SRCAP: variants seen among roughly 807,000 people sequenced by gnomAD.
The protein encoded by SRCAP is Snf2 related CREBBP activator protein.
A neutral mutation model predicts 263.1 loss-of-function variants in SRCAP; 46 were observed. That is an observed-to-expected ratio of 0.17 (90% CI 0.14 to 0.22). SRCAP has a LOEUF of 0.22. Ranked by LOEUF, SRCAP falls within the 10% of genes least tolerant of loss-of-function variation. The pLI, the probability that SRCAP is intolerant of heterozygous loss-of-function variation, is 1.00. For synonymous variants in SRCAP, 1,813 were observed against 1,662.1 expected (o/e 1.09, Z -2.21); for missense variants, 3,695 against 4,181.9 (o/e 0.88, Z 3.21).
In SRCAP at chr16:30,704,300, A is replaced by G; in HGVS notation, c.291A>G (p.Ala97=). Residue 97 remains alanine, a synonymous_variant, in exon 4 of 34, where the codon GCA becomes GCG. Transcript: ENST00000262518. ...GGGAGAAGAGCCATGCCGAAATTGCAGAACAGGCCAAGCATGTACGTATTA... is the reference window on the plus strand; with the variant it reads ...GGGAGAAGAGCCATGCCGAAATTGCGGAACAGGCCAAGCATGTACGTATTA... ...PKWEKSHAEI[A]EQAKHEAEIE... 2 of 1,611,500 alleles carry G rather than the reference A, an allele frequency of 1.2e-6. No individual in the cohort carries two copies. The highest frequency in any genetic ancestry group is 1.7e-6 in the Non-Finnish European group (2 of 1,178,068).
At chr16:30,710,460 A>G (rs976286080) in intron 8 of SRCAP, 15 of 710,088 alleles carry the variant, frequency 2.1e-5, no homozygotes, top group Non-Finnish European at 3.9e-5. Context: ...GGAAGCTGGC[A>G]TGGTACCCTT....
chr16:30,737,382 G>A lies in SRCAP; in HGVS notation c.7342G>A (p.Ala2448Thr), dbSNP rs934164920. The A allele has an allele frequency of 1.2e-5, 19 of 1,613,102 alleles. No individual in the cohort carries two copies. In the East Asian group the frequency reaches 4.2e-4, roughly 36 times the overall value. ...AGCACCTAGGCCTCGACCCACTCCAGCTTCAGCTCCGGCTGCAATTCCTGC... is the reference window on the plus strand; with the variant it reads ...AGCACCTAGGCCTCGACCCACTCCAACTTCAGCTCCGGCTGCAATTCCTGC... Reference protein sequence around the residue: ...RPAPRPRPTPASAPAAIPALV... With the variant: ...RPAPRPRPTPTSAPAAIPALV... The change falls in exon 34 of 34, where the codon GCT (alanine) becomes ACT (threonine). Residue 2448 changes from alanine to threonine, a missense_variant. Around this residue, in one of 12 missense-constraint regions of SRCAP, gnomAD observed 1,207 missense variants for 1,142.9 expected, o/e 1.06. Transcript: ENST00000262518.
rs2052998194 is a variant in SRCAP at position 30,720,279 on chromosome 16, A to G, written c.2935A>G (p.Thr979Ala). 6.2e-7 allele frequency: 1 copy of G among 1,614,132 alleles called. No individual in the cohort carries two copies. Among genetic ancestry groups the G allele is most frequent in the Non-Finnish European group, 8.5e-7 (1 of 1,179,976 alleles). Residue 979 changes from threonine to alanine, a missense_variant, in exon 19 of 34, where the codon ACT (threonine) becomes GCT (alanine). Coordinates refer to ENST00000262518, the MANE Select transcript of SRCAP (RefSeq NM_006662.3). ...LSRRVLLEVA[T>A]APDPPPRPKP... ...TCGCCGGGTACTGTTAGAAGTGGCT[A>G]CTGCTCCTGACCCCCCACCCCGGCC...
At chr16:30,734,082 G>T (rs2053137060) in intron 30 of SRCAP, 74 bp downstream of exon 30, 1 of 1,351,262 alleles carries the variant, frequency 7.4e-7, no homozygotes. Flanking sequence ...GTTTATTAAA[G>T]AAGACTGCTT....
At chr16:30,734,407 T>TG in intron 30 of SRCAP, 89 bp from the exon 31 acceptor site, 6 of 1,569,176 alleles carry the variant, frequency 3.8e-6, no homozygotes, top group Non-Finnish European at 5.2e-6. Flanking sequence ...GTGGTACCCC[T>TG]GACAGTTCCA....
intron 4 of SRCAP, among the ~76,000 whole-genome samples, chr16:30,706,396 G>A (rs2052827757): frequency 6.6e-6 from 1 of 152,146 alleles, no homozygotes; most frequent in African/African-American, 2.4e-5. Flanking sequence ...GATAACCTGA[G>A]CCTAGGCAGC....
At chr16:30,714,197 T>C (rs969768725) in intron 16 of SRCAP, among the ~76,000 whole-genome samples, 1 of 151,542 alleles carries the variant, frequency 6.6e-6, no homozygotes, top group Non-Finnish European at 1.5e-5. Flanking sequence ...CCCGAGTAGC[T>C]GGGACTAAAG....
chr16:30,720,291 C>G lies in SRCAP; in HGVS notation c.2947C>G (p.Pro983Ala). Residue 983 changes from proline to alanine, a missense_variant, in exon 19 of 34, where the codon CCC (proline) becomes GCC (alanine). Coordinates refer to ENST00000262518, the MANE Select transcript of SRCAP (RefSeq NM_006662.3). Reference sequence around the variant, plus strand: ...GTTAGAAGTGGCTACTGCTCCTGACCCCCCACCCCGGCCCAAGCCAGTCAA... The same window carrying G: ...GTTAGAAGTGGCTACTGCTCCTGACGCCCCACCCCGGCCCAAGCCAGTCAA... ...VLLEVATAPDPPPRPKPVKMK... is the reference protein window; with the variant it reads ...VLLEVATAPDAPPRPKPVKMK... 6.2e-7 allele frequency: 1 copy of G among 1,614,078 alleles called. No homozygotes were observed. Among genetic ancestry groups the G allele is most frequent in the Non-Finnish European group, 8.5e-7 (1 of 1,179,958 alleles).
chr16:30,704,026 G>A (rs747077712), intron 3 of SRCAP, 38 bp from the exon 4 acceptor site: 3 of 1,588,278 alleles, frequency 1.9e-6, no homozygotes, highest in South Asian at 1.1e-5. Flanking sequence ...AGCACAGTGC[G>A]AAGCATTTAT....
chr16:30,714,613 G>A (rs145928903), intron 16 of SRCAP, among the ~76,000 whole-genome samples: 1 of 150,064 alleles, frequency 6.7e-6, no homozygotes, highest in East Asian at 2.0e-4. Context: ...CGATTCTCCT[G>A]CCTCAGCCTC....
chr16:30,719,466 C>T (rs1012542875), intron 18 of SRCAP, among the ~76,000 whole-genome samples: 65 of 151,964 alleles, frequency 4.3e-4, no homozygotes, highest in African/African-American at 1.5e-3. Context: ...CCACCCGCCT[C>T]GGCCTCCAGA....
In SRCAP at chr16:30,739,476, G is replaced by T; in HGVS notation, c.9436G>T (p.Gly3146Cys). 1 of 1,614,068 alleles carries T rather than the reference G, an allele frequency of 6.2e-7. No individual in the cohort carries two copies. The highest frequency in any genetic ancestry group is 2.2e-5 in the East Asian group (1 of 44,886). Residue 3146 changes from glycine (G) to cysteine (C), a missense_variant, in exon 34 of 34, where the codon GGT becomes TGT. Physicochemically the swap from Gly to Cys is radical, Grantham distance 159. This residue lies in a region of SRCAP where 1,207 missense variants were observed against 1,142.9 expected (regional missense o/e 1.06). Coordinates refer to ENST00000262518, the MANE Select transcript of SRCAP (RefSeq NM_006662.3). ...TCGCAAACGAGCAGGGGCCCCAGTT[G>T]GTGGGAGTCCTGGGCTGGCAAAGCG... ...LPRKRAGAPV[G>C]GSPGLAKRGR...
chr16:30,719,321 AT>A (rs2052986870), intron 18 of SRCAP, among the ~76,000 whole-genome samples: 1 of 150,800 alleles, frequency 6.6e-6, no homozygotes, highest in East Asian at 2.0e-4. Context: ...GGTTTAAGCA[AT>A]TCTCCATTTC....
At position 30,722,302 on chromosome 16, in the gene SRCAP, C is replaced by G; in HGVS notation, c.3706+16C>G. 1 of 1,608,408 alleles carries G rather than the reference C, an allele frequency of 6.2e-7. No homozygotes were observed. The highest frequency in any genetic ancestry group is 2.2e-5 in the East Asian group (1 of 44,780). On this transcript the variant is annotated intron_variant, in intron 22 of 33. Coordinates refer to ENST00000262518, the MANE Select transcript of SRCAP (RefSeq NM_006662.3). ...CCGCTGCAAAGTAGGTAAAACCCAC[C>G]CCCTGTCCTGCCTTTTTCCTCCTCT... is the stretch of plus-strand genomic sequence containing the variant.
intron 16 of SRCAP, 38 bp downstream of exon 16, chr16:30,713,749 G>A (rs1212544455): frequency 1.3e-6 from 2 of 1,598,130 alleles, no homozygotes; most frequent in African/African-American, 2.7e-5. Flanking sequence ...ATTGGGAATG[G>A]TAAGGAACCA....
rs556157423 is a variant in SRCAP, at chr16:30,737,000, T to C, written c.7009-49T>C. On this transcript the variant is annotated intron_variant, in intron 33 of 33. Coordinates refer to ENST00000262518, the MANE Select transcript of SRCAP (RefSeq NM_006662.3). ...GGAAGCTGCTAATTTCTACTCACTC[T>C]CTACTCTGCTTGCCTCCTCCTGACC... is the stretch of plus-strand genomic sequence containing the variant. 23 of 1,528,580 alleles carry C rather than the reference T, an allele frequency of 1.5e-5. No homozygotes were observed. In the African/African-American group the frequency reaches 2.8e-4, roughly 18 times the overall value. The allele number at this position is 1,528,580 out of a possible 1,614,324, so 94.7% of individuals were successfully genotyped here.
intron 6 of SRCAP, among the ~76,000 whole-genome samples, chr16:30,708,684 G>A (rs35716843): frequency 0.015 from 2,324 of 152,190 alleles, 41 homozygotes; most frequent in South Asian, 0.046. Flanking sequence ...GTGAGCCACC[G>A]CACCTGGCCT....
intron 20 of SRCAP, 26 bp from the exon 21 acceptor site, chr16:30,721,163 G>A: frequency 6.3e-7 from 1 of 1,579,168 alleles, no homozygotes; most frequent in Non-Finnish European, 8.6e-7. Flanking sequence ...GGGTATATCT[G>A]ACAGGTGTTT....
At position 30,736,963 on chromosome 16, in the gene SRCAP, C is replaced by T. The variant is rs537459253; in HGVS notation, c.7009-86C>T. 946 of 1,435,492 alleles carry T rather than the reference C, an allele frequency of 6.6e-4. 9 individuals are homozygous for T. In the African/African-American group the frequency reaches 0.012, roughly 18 times the overall value. The allele number at this position is 1,435,492 out of a possible 1,614,324, so 88.9% of individuals were successfully genotyped here. On this transcript the variant is annotated intron_variant, in intron 33 of 33. Transcript: ENST00000262518. ...TGCTGGAATTACAGGCGTGAGCCAC[C>T]GCGCCTGACCTGGAAGCTGCTAATT...
Sources: allele counts gnomAD v4.1 joint callset (sites outside exome capture counted in the v4.1 genomes callset), GRCh38; gene constraint gnomAD v4.1.1; regional missense constraint gnomAD v4.1.1; transcripts MANE v1.5; gene names NCBI Gene and HGNC (gene_info 2026-07-23, HGNC 2026-07-21).